The following ASCC2 variants were observed in gnomAD, a reference collection of about 807,000 sequenced individuals.
ASCC2 encodes the protein activating signal cointegrator 1 complex subunit 2.
Under a neutral mutation model 93.5 loss-of-function variants are expected in ASCC2, and 42 were observed. The ratio of observed to expected loss-of-function variants is 0.45; its 90% CI spans 0.35 to 0.58. ASCC2 has a LOEUF of 0.58. Ranked by LOEUF, ASCC2 falls within the 20% of genes least tolerant of loss-of-function variation. The pLI, the probability that ASCC2 is intolerant of heterozygous loss-of-function variation, is 0.00. For synonymous variants in ASCC2, 364 were observed against 384.2 expected, an observed-to-expected ratio of 0.95 and a Z score of 0.62; for missense variants, 859 against 977.6, an observed-to-expected ratio of 0.88 and a Z score of 1.62.
Position 29,814,366 on chromosome 22 carries a change from C to T in ASCC2, c.720+291G>A, listed in dbSNP as rs537849209. 4.9e-3 allele frequency among the ~76,000 whole-genome samples: 747 copies of T among 152,352 alleles called. 10 individuals carry two copies. Among genetic ancestry groups the T allele is most frequent in the African/African-American group, 0.017 (718 of 41,586 alleles). On this transcript the variant is annotated intron_variant, in intron 7 of 19. Coordinates refer to ENST00000307790, the MANE Select transcript of ASCC2 (RefSeq NM_032204.5). ...ACTGAATAAATGGCTCAATGAATAA[C>T]GCACAAGTGAACATGTCAAACTGAA...
Position 29,838,180 on chromosome 22 carries a change from C to A in ASCC2, c.-20G>T, listed in dbSNP as rs1461206704. The A allele has an allele frequency of 2.2e-6, 1 of 464,708 alleles. No homozygotes were observed. The highest frequency in any genetic ancestry group is 6.6e-5 in the East Asian group (1 of 15,132). The allele number at this position is 464,708 out of a possible 1,614,324, so 28.8% of individuals were successfully genotyped here. A position where few individuals can be genotyped will look rare whatever the true frequency, so the allele number is the denominator to read the frequency against. ...GCAGGGACCAGCCACGCACTCACCT[C>A]GGCGGCTCCACCACCGGCTCTGTGC... On this transcript the variant is annotated splice_region_variant and 5_prime_UTR_variant, in exon 1 of 20. Coordinates refer to ENST00000307790, the MANE Select transcript of ASCC2 (RefSeq NM_032204.5).
chr22:29,832,420 A>G (rs951724564), intron 1 of ASCC2, 78 bp from the exon 2 acceptor site: 73 of 1,126,492 alleles, frequency 6.5e-5, no homozygotes, highest in Non-Finnish European at 9.2e-5. Context: ...GGCTGATCCC[A>G]GAGTCAGAAG....
Position 29,813,545 on chromosome 22 carries a change from G to A in ASCC2, c.721-3C>T. The A allele has an allele frequency of 6.3e-7, 1 of 1,584,800 alleles. No individual in the cohort carries two copies. Among genetic ancestry groups the A allele is most frequent in the Non-Finnish European group, 8.7e-7 (1 of 1,153,412 alleles). Reference sequence around the variant, plus strand: ...TAGAGAACAATGTCCTTTAATTCCTGTTGCCAAAAGAATACACTGCATTAT... The same window carrying A: ...TAGAGAACAATGTCCTTTAATTCCTATTGCCAAAAGAATACACTGCATTAT... On this transcript the variant is annotated splice_polypyrimidine_tract_variant and splice_region_variant and intron_variant, in intron 7 of 19. Coordinates refer to ENST00000307790, the MANE Select transcript of ASCC2 (RefSeq NM_032204.5).
At chr22:29,790,710 T>C (rs2057619852) in intron 18 of ASCC2, among the ~76,000 whole-genome samples, 162 bp from the exon 19 acceptor site, 5 of 152,214 alleles carry the variant, frequency 3.3e-5, no homozygotes. Flanking sequence ...GTGGGATTAC[T>C]GTGGTCTGAG....
At chr22:29,810,482 C>A (rs185841802) in intron 8 of ASCC2, among the ~76,000 whole-genome samples, 1 of 152,130 alleles carries the variant, frequency 6.6e-6, no homozygotes, top group Non-Finnish European at 1.5e-5. Flanking sequence ...AGAGGCAGGC[C>A]CTACTAGGCC....
intron 15 of ASCC2, among the ~76,000 whole-genome samples, chr22:29,798,520 T>C (rs2058705128): frequency 6.6e-6 from 1 of 152,182 alleles, no homozygotes; most frequent in African/African-American, 2.4e-5. Flanking sequence ...ACATTCTGGA[T>C]GATAGGTCAA....
Position 29,826,029 on chromosome 22 carries a change from A to T in ASCC2, c.82-249T>A, listed in dbSNP as rs6006271. ...GGGAAAGGTTAAGGGAAGAGAAAGCAGGATACAAAACTCTCTGTTTAATAT... is the reference window on the plus strand; with the variant it reads ...GGGAAAGGTTAAGGGAAGAGAAAGCTGGATACAAAACTCTCTGTTTAATAT... On this transcript the variant is annotated intron_variant, in intron 2 of 19. Transcript: ENST00000307790. 203 of 409,184 alleles carry T rather than the reference A, an allele frequency of 5.0e-4. 1 individual carries two copies. Among genetic ancestry groups the T allele is most frequent in the African/African-American group, 3.8e-3 (189 of 49,132 alleles). The allele number at this position is 409,184 out of a possible 1,614,324, so 25.3% of individuals were successfully genotyped here.
In ASCC2 at chr22:29,790,512, C is replaced by G; in HGVS notation, c.2059G>C (p.Glu687Gln). ...HFVQDPAVLREKAEARRMAFL... is the reference protein window; with the variant it reads ...HFVQDPAVLRQKAEARRMAFL... ...GCCATGCGCCTGGCTTCTGCCTTCT[C>G]TCTCAGCACTGCAGGGTCCTGAACA... Residue 687 changes from glutamate (E) to glutamine (Q), a missense_variant, in exon 19 of 20, where the codon GAG becomes CAG. Coordinates refer to ENST00000307790, the MANE Select transcript of ASCC2 (RefSeq NM_032204.5). 6.2e-7 allele frequency: 1 copy of G among 1,614,174 alleles called. No individual in the cohort carries two copies. Among genetic ancestry groups the G allele is most frequent in the South Asian group, 1.1e-5 (1 of 91,090 alleles).
chr22:29,834,107 C>T, intron 1 of ASCC2: 2 of 170,116 alleles, frequency 1.2e-5, no homozygotes, highest in South Asian at 2.7e-4. Flanking sequence ...CTATTATTAT[C>T]CTCATTTTAT....
At position 29,814,719 on chromosome 22, in the gene ASCC2, T is replaced by C. The variant is rs2060641165; in HGVS notation, c.658A>G (p.Asn220Asp). ...QHCGLQGDGA[N>D]TTPQKLEERG... is the part of the protein sequence containing the mutation. ...TCCTCAAGCTTCTGGGGTGTGGTAT[T>C]GGCCCCGTCCCCTTGCAAACCACAG... The change falls in exon 7 of 20, where the codon AAT (asparagine) becomes GAT (aspartate). Residue 220 changes from asparagine (N) to aspartate (D), a missense_variant. Physicochemically the swap from Asn to Asp is conservative, Grantham distance 23. Coordinates refer to ENST00000307790, the MANE Select transcript of ASCC2 (RefSeq NM_032204.5). 6.2e-7 allele frequency: 1 copy of C among 1,609,022 alleles called. No homozygotes were observed. The highest frequency in any genetic ancestry group is 1.3e-5 in the African/African-American group (1 of 74,564).
At chr22:29,830,201 T>C (rs1455293446) in intron 2 of ASCC2, among the ~76,000 whole-genome samples, 7 of 152,182 alleles carry the variant, frequency 4.6e-5, no homozygotes, top group Admixed American at 4.6e-4. Context: ...ACAGTGCTCA[T>C]TCACAGGCAT....
In ASCC2 at chr22:29,788,959, G is replaced by T. The variant is rs1332578604; in HGVS notation, c.*54C>A. 1.2e-6 allele frequency: 2 copies of T among 1,608,312 alleles called. No individual in the cohort carries two copies. The highest frequency in any genetic ancestry group is 3.3e-5 in the Admixed American group (2 of 59,870). On this transcript the variant is annotated 3_prime_UTR_variant, in exon 20 of 20. Transcript: ENST00000307790. ...AGTGAGGAGGCCCCAGGCGATGGGA[G>T]CACGGCCTGGTGAGTCTGGTGCCGC... is the stretch of plus-strand genomic sequence containing the variant.
chr22:29,800,971 C>T lies in ASCC2; in HGVS notation c.1688+20G>A. 6.4e-7 allele frequency: 1 copy of T among 1,568,506 alleles called. No homozygotes were observed. Among genetic ancestry groups the T allele is most frequent in the East Asian group, 2.3e-5 (1 of 43,486 alleles). Reference sequence around the variant, plus strand: ...CTTCCAGAGTTGGGGTATCGGAACCCCATGGCCCACTGCACTCACCTCTTG... The same window carrying T: ...CTTCCAGAGTTGGGGTATCGGAACCTCATGGCCCACTGCACTCACCTCTTG... On this transcript the variant is annotated intron_variant, in intron 15 of 19. Transcript: ENST00000307790.
intron 1 of ASCC2, among the ~76,000 whole-genome samples, chr22:29,835,773 C>T (rs1034102354): frequency 6.6e-6 from 1 of 152,178 alleles, no homozygotes; most frequent in Non-Finnish European, 1.5e-5. Flanking sequence ...ACACTTTGGG[C>T]TTCCTGGTTT....
intron 1 of ASCC2, among the ~76,000 whole-genome samples, chr22:29,837,611 G>A (rs2063995279): frequency 6.6e-6 from 1 of 152,166 alleles, no homozygotes; most frequent in Admixed American, 6.5e-5. Context: ...TATGGCCTGG[G>A]AGCATCCCCG....
Position 29,825,145 on chromosome 22 carries a change from C to G in ASCC2, c.353G>C (p.Arg118Pro). ...SAPEVVDMQK[R>P]LHRSVFLTFL... is the part of the protein sequence containing the mutation. ...GGTGAGAAAAACACTTCGATGGAGG[C>G]GCTTCTGCATGTCAACAACCTCAGG... is the stretch of plus-strand genomic sequence containing the variant. Residue 118 changes from arginine (R) to proline (P), a missense_variant, in exon 4 of 20, where the codon CGC becomes CCC. Physicochemically the swap from Arg to Pro is moderately radical, Grantham distance 103. Transcript: ENST00000307790. The surrounding 1 kb of genome is among the most constrained non-coding windows in gnomAD (Gnocchi z 4.9). The G allele has an allele frequency of 6.5e-7, 1 of 1,548,998 alleles. No homozygotes were observed. Among genetic ancestry groups the G allele is most frequent in the Non-Finnish European group, 8.7e-7 (1 of 1,149,106 alleles).
Position 29,806,290 on chromosome 22 carries a change from CCT to C in ASCC2, c.1086-2_1086-1del. 1 of 1,614,124 alleles carries C rather than the reference CCT, an allele frequency of 6.2e-7. No individual in the cohort carries two copies. Among genetic ancestry groups the C allele is most frequent in the Non-Finnish European group, 8.5e-7 (1 of 1,180,018 alleles). ...AGAGTGCATCATAGTCCCGGAGGAA[CCT>C]GCAGGCAGATGAGAGCAGATGGGAT... On this transcript the variant is annotated splice_acceptor_variant, in intron 11 of 19. Coordinates refer to ENST00000307790, the MANE Select transcript of ASCC2 (RefSeq NM_032204.5). LOFTEE classifies it high-confidence loss of function.
intron 1 of ASCC2, among the ~76,000 whole-genome samples, chr22:29,837,418 G>A (rs2063962640): frequency 6.7e-6 from 1 of 149,538 alleles, no homozygotes; most frequent in Admixed American, 6.7e-5. Flanking sequence ...GGGCGACAGA[G>A]CAAGACCCCG....
At chr22:29,832,945 A>G (rs2063343044) in intron 1 of ASCC2, among the ~76,000 whole-genome samples, 1 of 151,876 alleles carries the variant, frequency 6.6e-6, no homozygotes, top group African/African-American at 2.4e-5. Context: ...TTATTTTTTG[A>G]TAGATGAGTT....
Sources: gnomAD v4.1 joint callset for allele counts (sites outside exome capture counted in the v4.1 genomes callset) on GRCh38, gnomAD v4.1.1 for gene constraint, Gnocchi (gnomAD v3.1) non-coding constraint, MANE v1.5 for transcripts, NCBI Gene and HGNC (gene_info 2026-07-23, HGNC 2026-07-21) for gene names.